The following CACNB4 variants were observed in gnomAD, a reference collection of about 807,000 sequenced individuals.
CACNB4 encodes voltage-dependent L-type calcium channel subunit beta-4.
Under a neutral mutation model 71.2 loss-of-function variants are expected in CACNB4, and 32 were observed. The observed-to-expected ratio is 0.45, with a 90% CI of 0.34 to 0.60. The LOEUF (loss-of-function observed/expected upper bound fraction) is 0.60, where lower values mean the gene tolerates loss of function less well. Ranked by LOEUF, CACNB4 falls within the 20% of genes least tolerant of loss-of-function variation. The probability of loss-of-function intolerance (pLI) is 0.01; values close to 1 mark genes in which losing one functional copy is unlikely to be tolerated. For missense variants in CACNB4, 464 were observed against 647.9 expected, an observed-to-expected ratio of 0.72 and a Z score of 3.08; for synonymous variants, 231 against 236.9, an observed-to-expected ratio of 0.97 and a Z score of 0.23.
intron 10 of CACNB4, 129 bp from the exon 11 acceptor site, chr2:151,855,504 C>T: frequency 1.5e-6 from 1 of 689,144 alleles, no homozygotes; most frequent in Non-Finnish European, 2.2e-6. Flanking sequence ...TTTCATAGTC[C>T]TGTCTAATTT....
intron 2 of CACNB4, among the ~76,000 whole-genome samples, chr2:152,017,599 T>C (rs1279316189): frequency 6.6e-6 from 1 of 151,744 alleles, no homozygotes; most frequent in Non-Finnish European, 1.5e-5. Context: ...TCCCAGCTAC[T>C]TGGGAGGCTG....
At chr2:151,924,174 G>A (rs1268336334) in intron 2 of CACNB4, among the ~76,000 whole-genome samples, 3 of 138,418 alleles carry the variant, frequency 2.2e-5, no homozygotes, top group African/African-American at 7.6e-5. Flanking sequence ...CACCTCCCGG[G>A]TTCATGCCAT....
chr2:151,849,486 G>C (rs2099838476), intron 12 of CACNB4, among the ~76,000 whole-genome samples: 1 of 152,140 alleles, frequency 6.6e-6, no homozygotes, highest in South Asian at 2.1e-4. Flanking sequence ...TCACAGCTCA[G>C]TGCAGCCTTG....
At chr2:152,093,229 T>C (rs1178886028) in intron 2 of CACNB4, among the ~76,000 whole-genome samples, 1 of 152,242 alleles carries the variant, frequency 6.6e-6, no homozygotes, top group Non-Finnish European at 1.5e-5. Context: ...CTTCTTTTTT[T>C]AAAATCACGT....
intron 2 of CACNB4, among the ~76,000 whole-genome samples, chr2:152,006,168 C>T (rs1682713856): frequency 2.6e-5 from 4 of 152,134 alleles, no homozygotes; most frequent in Admixed American, 2.6e-4. Flanking sequence ...GCAACCTCAC[C>T]ATCAGAAGTT....
At chr2:151,953,955 C>T (rs2099867566) in intron 2 of CACNB4, among the ~76,000 whole-genome samples, 1 of 152,216 alleles carries the variant, frequency 6.6e-6, no homozygotes, top group Admixed American at 6.5e-5. Context: ...GATGTCTTTA[C>T]AACAAATTCT....
intron 2 of CACNB4, among the ~76,000 whole-genome samples, chr2:152,037,126 T>C (rs904599097): frequency 5.3e-5 from 8 of 152,238 alleles, no homozygotes; most frequent in African/African-American, 1.9e-4. Flanking sequence ...CAAGCACTTA[T>C]GTAGGGTATT....
At chr2:151,871,136 T>C in intron 6 of CACNB4, 1 of 471,434 alleles carries the variant, frequency 2.1e-6, no homozygotes, top group Non-Finnish European at 3.8e-6. Flanking sequence ...AGAGCAACAC[T>C]GGAAGTTCCG....
chr2:152,059,556 A>T (rs552453939), intron 2 of CACNB4, among the ~76,000 whole-genome samples: 1 of 152,262 alleles, frequency 6.6e-6, no homozygotes, highest in Non-Finnish European at 1.5e-5. Context: ...TGAAATGGCA[A>T]CATTTATCCA....
intron 2 of CACNB4, among the ~76,000 whole-genome samples, chr2:152,052,919 T>A (rs544208920): frequency 1.1e-4 from 16 of 151,688 alleles, no homozygotes; most frequent in Admixed American, 2.0e-4. Flanking sequence ...GAGATGGAGG[T>A]TGCAGTGAGC....
intron 2 of CACNB4, among the ~76,000 whole-genome samples, chr2:152,010,640 G>A (rs914277839): frequency 9.9e-5 from 15 of 152,140 alleles, no homozygotes; most frequent in African/African-American, 3.6e-4. Context: ...CTTGAGATTC[G>A]AAGAACAGAT....
chr2:151,934,310 G>C (rs563677771), intron 2 of CACNB4, among the ~76,000 whole-genome samples: 1 of 152,342 alleles, frequency 6.6e-6, no homozygotes, highest in African/African-American at 2.4e-5. Flanking sequence ...AGGCCAGTGA[G>C]AGTTCAGGGG....
At position 151,839,264 on chromosome 2, in the gene CACNB4, C is replaced by G; in HGVS notation, c.1418G>C (p.Arg473Pro). Reference protein sequence around the residue: ...HNERARKSRNRLSSSSQHSRD... With the variant: ...HNERARKSRNPLSSSSQHSRD... ...GCTATGCTGAGAACTGGAAGACAAG[C>G]GGTTCCTACTCTTCCGAGCCCTTTC... The change falls in exon 14 of 14, where the codon CGC becomes CCC. Residue 473 changes from arginine (R) to proline (P), a missense_variant. Coordinates refer to ENST00000539935, the MANE Select transcript of CACNB4 (RefSeq NM_000726.5). The G allele has an allele frequency of 3.1e-6, 5 of 1,613,592 alleles. No individual in the cohort carries two copies. Among genetic ancestry groups the G allele is most frequent in the Non-Finnish European group, 4.2e-6 (5 of 1,179,662 alleles).
At chr2:151,932,824 TAAA>T (rs34714238) in intron 2 of CACNB4, among the ~76,000 whole-genome samples, 5 of 69,894 alleles carry the variant, frequency 7.2e-5, no homozygotes, top group East Asian at 4.7e-4. Flanking sequence ...AGACTGGATC[TAAA>T]AAAAAAAAAA....
At chr2:151,869,427 C>A (rs574794712) in intron 8 of CACNB4, 192 bp from the exon 9 acceptor site, 1 of 530,866 alleles carries the variant, frequency 1.9e-6, no homozygotes, top group South Asian at 2.7e-5. Flanking sequence ...TTTCCACCCC[C>A]CTTGGTTCTC....
At chr2:152,005,532 AG>A (rs761329899) in intron 2 of CACNB4, among the ~76,000 whole-genome samples, 5 of 152,226 alleles carry the variant, frequency 3.3e-5, no homozygotes, top group Admixed American at 3.3e-4. Context: ...GGAGGGAGTG[AG>A]GGGGGCGGAA....
At chr2:151,971,532 C>A in intron 2 of CACNB4, 1 of 702,956 alleles carries the variant, frequency 1.4e-6, no homozygotes, top group African/African-American at 1.7e-5. Context: ...TCTGGACAAC[C>A]CCCCACACTT....
chr2:152,034,034 C>T (rs895567174), intron 2 of CACNB4, among the ~76,000 whole-genome samples: 2 of 152,002 alleles, frequency 1.3e-5, no homozygotes, highest in African/African-American at 4.8e-5. Flanking sequence ...AAATTAAGTT[C>T]AACAGTTCCT....
At chr2:152,094,724 C>T (rs539950293) in intron 2 of CACNB4, among the ~76,000 whole-genome samples, 1 of 152,336 alleles carries the variant, frequency 6.6e-6, no homozygotes, top group South Asian at 2.1e-4. Context: ...TCTCATCCAT[C>T]TTTTCATTCC....
Sources: gnomAD v4.1 joint callset for allele counts (sites outside exome capture counted in the v4.1 genomes callset) on GRCh38, gnomAD v4.1.1 for gene constraint, MANE v1.5 for transcripts, NCBI Gene and HGNC (gene_info 2026-07-23, HGNC 2026-07-21) for gene names.